The following FBXL17 variants were observed in gnomAD, a reference collection of about 807,000 sequenced individuals.
The protein encoded by FBXL17 is F-box/LRR-repeat protein 17.
In FBXL17, 22 loss-of-function variants were observed where a neutral mutation model predicts 66.2. That is an observed-to-expected ratio of 0.33 (90% CI 0.24 to 0.47). The LOEUF (loss-of-function observed/expected upper bound fraction) is 0.47. FBXL17 is among the 20% of genes least tolerant of loss of function. The probability of loss-of-function intolerance (pLI) is 1.00; values close to 1 mark genes in which losing one functional copy is unlikely to be tolerated. For missense variants in FBXL17, 878 were observed against 948.2 expected (o/e 0.93, Z 0.97); for synonymous variants, 474 against 400.5 (o/e 1.18, Z -2.19).
chr5:108,260,161 A>G (rs1016092254), intron 4 of FBXL17, among the ~76,000 whole-genome samples: 4 of 152,176 alleles, frequency 2.6e-5, no homozygotes, highest in Non-Finnish European at 5.9e-5. Context: ...ATACATCTTC[A>G]CCACGGCATG....
intron 7 of FBXL17, among the ~76,000 whole-genome samples, chr5:107,955,237 T>C (rs892665789): frequency 6.6e-5 from 10 of 152,192 alleles, no homozygotes; most frequent in African/African-American, 2.2e-4. Flanking sequence ...CAAAGGACCA[T>C]AAATTCAACA....
intron 7 of FBXL17, among the ~76,000 whole-genome samples, chr5:107,983,748 T>A (rs1175425191): frequency 6.6e-6 from 1 of 152,140 alleles, no homozygotes; most frequent in African/African-American, 2.4e-5. Context: ...AACTGGCATC[T>A]TTGCTGTATT....
At chr5:108,296,039 T>A (rs933578098) in intron 4 of FBXL17, among the ~76,000 whole-genome samples, 23 of 151,052 alleles carry the variant, frequency 1.5e-4, no homozygotes, top group Non-Finnish European at 3.1e-4. Context: ...ACAATAACAT[T>A]AGTAATTCAA....
chr5:107,925,443 A>G (rs1305792077), intron 7 of FBXL17, among the ~76,000 whole-genome samples: 1 of 152,148 alleles, frequency 6.6e-6, no homozygotes, highest in African/African-American at 2.4e-5. Context: ...GAAAAGGCCA[A>G]TGGCTTCCTG....
chr5:108,092,623 G>GT (rs1749229294), intron 6 of FBXL17, among the ~76,000 whole-genome samples: 1 of 152,112 alleles, frequency 6.6e-6, no homozygotes, highest in Non-Finnish European at 1.5e-5. Flanking sequence ...GCAAGTGGGT[G>GT]TATCTTTATG....
At chr5:108,358,269 A>G (rs1352139701) in intron 3 of FBXL17, among the ~76,000 whole-genome samples, 1 of 152,150 alleles carries the variant, frequency 6.6e-6, no homozygotes, top group Admixed American at 6.6e-5. Context: ...TCTTAAGGAA[A>G]AAGTTTTCCA....
Position 108,108,184 on chromosome 5 carries a change from C to A in FBXL17, c.1745+77933G>T, listed in dbSNP as rs555982218. On this transcript the variant is annotated intron_variant, in intron 6 of 8. Coordinates refer to ENST00000542267, the MANE Select transcript of FBXL17 (RefSeq NM_001163315.3). The stretch of plus-strand genomic sequence containing the variant: ...CTGTATTTCAAACTGCAAACATATA[C>A]CCCACCTTCTACATCCATTTAATCT... 5.9e-5 allele frequency among the ~76,000 whole-genome samples: 9 copies of A among 152,322 alleles called. No homozygotes were observed. In the South Asian group the frequency reaches 1.4e-3, roughly 25 times the overall value.
intron 4 of FBXL17, among the ~76,000 whole-genome samples, chr5:108,290,365 C>T (rs898178175): frequency 3.2e-4 from 49 of 152,072 alleles, no homozygotes; most frequent in African/African-American, 1.1e-3. Context: ...GCAGACTGTT[C>T]CATTAGTTGT....
chr5:108,168,200 C>T (rs1752480836), intron 6 of FBXL17, among the ~76,000 whole-genome samples: 1 of 152,150 alleles, frequency 6.6e-6, no homozygotes, highest in Non-Finnish European at 1.5e-5. Context: ...TTGATTTTCC[C>T]ACTTTGCAGT....
intron 3 of FBXL17, among the ~76,000 whole-genome samples, chr5:108,351,439 A>G (rs1195096609): frequency 6.6e-6 from 1 of 152,178 alleles, no homozygotes; most frequent in Non-Finnish European, 1.5e-5. Context: ...CGGTCTCTCC[A>G]CTGATTATTC....
intron 6 of FBXL17, among the ~76,000 whole-genome samples, chr5:108,093,290 A>C (rs1447298572): frequency 6.6e-6 from 1 of 152,076 alleles, no homozygotes; most frequent in Non-Finnish European, 1.5e-5. Context: ...TAAAAAAAAA[A>C]AAAGAGTAGT....
intron 6 of FBXL17, among the ~76,000 whole-genome samples, chr5:108,028,938 A>G (rs1754929421): frequency 6.6e-6 from 1 of 152,188 alleles, no homozygotes; most frequent in African/African-American, 2.4e-5. Flanking sequence ...TTTAAATGCA[A>G]TGAAGACGGT....
chr5:108,319,471 A>C (rs1580808876), intron 4 of FBXL17, among the ~76,000 whole-genome samples: 1 of 151,888 alleles, frequency 6.6e-6, no homozygotes, highest in Admixed American at 6.6e-5. Context: ...TAACAAAAAA[A>C]CAATATTTTT....
intron 4 of FBXL17, among the ~76,000 whole-genome samples, chr5:108,266,897 C>A (rs1221941443): frequency 1.3e-5 from 2 of 152,048 alleles, no homozygotes; most frequent in Admixed American, 6.6e-5. Flanking sequence ...TGGTTTCAGA[C>A]ATCTACTGGG....
At chr5:108,109,095 T>C (rs1749930311) in intron 6 of FBXL17, among the ~76,000 whole-genome samples, 1 of 152,142 alleles carries the variant, frequency 6.6e-6, no homozygotes, top group South Asian at 2.1e-4. Context: ...GACTCACACT[T>C]TCAAAGACCT....
At chr5:108,183,711 G>A (rs1210094280) in intron 6 of FBXL17, among the ~76,000 whole-genome samples, 1 of 151,842 alleles carries the variant, frequency 6.6e-6, no homozygotes, top group Non-Finnish European at 1.5e-5. Flanking sequence ...TTTATCCCTC[G>A]CCCCCTCCGA....
chr5:108,181,658 C>G (rs981536822), intron 6 of FBXL17, among the ~76,000 whole-genome samples: 2 of 152,070 alleles, frequency 1.3e-5, no homozygotes, highest in Non-Finnish European at 2.9e-5. Flanking sequence ...TGAAATTTAT[C>G]TTAATGTGAG....
chr5:108,234,656 C>T (rs1378890521), intron 4 of FBXL17, among the ~76,000 whole-genome samples: 3 of 152,182 alleles, frequency 2.0e-5, no homozygotes, highest in Non-Finnish European at 4.4e-5. Context: ...CACTTGATTA[C>T]TGTTTTCATC....
rs1422233029 is a variant in FBXL17 at position 108,129,740 on chromosome 5, T to C, written c.1745+56377A>G. Among the ~76,000 whole-genome samples, 3 of 151,838 alleles carry C rather than the reference T, an allele frequency of 2.0e-5. No homozygotes were observed. In the East Asian group the frequency reaches 5.8e-4, roughly 29 times the overall value. On this transcript the variant is annotated intron_variant, in intron 6 of 8. Transcript: ENST00000542267. Reference sequence around the variant, plus strand: ...TCATTACCACAATAGATTGCTAAAATCAATTCTAAAACCTGAATAGAACAA... The same window carrying C: ...TCATTACCACAATAGATTGCTAAAACCAATTCTAAAACCTGAATAGAACAA...
Sources: gnomAD v4.1 joint callset for allele counts (sites outside exome capture counted in the v4.1 genomes callset) on GRCh38, gnomAD v4.1.1 for gene constraint, MANE v1.5 for transcripts, NCBI Gene and HGNC (gene_info 2026-07-23, HGNC 2026-07-21) for gene names.